COL4A4: variants seen among roughly 807,000 people sequenced by gnomAD.
The protein encoded by COL4A4 is collagen alpha-4(IV) chain.
In COL4A4, 105 loss-of-function variants were observed where a neutral mutation model predicts 192.9. That is an observed-to-expected ratio of 0.54 (90% CI 0.46 to 0.64). The LOEUF is 0.64. Among genes scored for constraint, COL4A4 ranks in the 30% least tolerant of loss-of-function variants. The probability of loss-of-function intolerance (pLI) is 0.00; values close to 1 mark genes in which losing one functional copy is unlikely to be tolerated. For synonymous variants in COL4A4, 762 were observed against 769.9 expected (o/e 0.99, Z 0.17); for missense variants, 1,967 against 2,169.3 (o/e 0.91, Z 1.85).
intron 44 of COL4A4, among the ~76,000 whole-genome samples, chr2:227,012,929 G>A (rs1964105775): frequency 1.3e-5 from 2 of 152,090 alleles, no homozygotes; most frequent in Admixed American, 1.3e-4. Context: ...GAAGAGACTG[G>A]GGCTCATAAA....
chr2:227,084,754 C>A (rs373448595), intron 22 of COL4A4, among the ~76,000 whole-genome samples: 1 of 152,254 alleles, frequency 6.6e-6, no homozygotes, highest in South Asian at 2.1e-4. Context: ...CAGCTTCAGA[C>A]AGAGAGCTAC....
chr2:227,007,082 A>G lies in COL4A4; in HGVS notation c.*243T>C, dbSNP rs1302594056. 12 of 610,034 alleles carry G rather than the reference A, an allele frequency of 2.0e-5. No individual in the cohort carries two copies. Among genetic ancestry groups the G allele is most frequent in the South Asian group, 1.5e-4 (8 of 53,688 alleles). The allele number at this position is 610,034 out of a possible 1,614,324, so 37.8% of individuals were successfully genotyped here. A position where few individuals can be genotyped will look rare whatever the true frequency, so the allele number is the denominator to read the frequency against. The stretch of plus-strand genomic sequence containing the variant: ...ATTTTTAAGTAAAGCCAGTTCTTCG[A>G]TCATCCTCAGTAAAATAAGAGTATC... On this transcript the variant is annotated 3_prime_UTR_variant, in exon 48 of 48. Transcript: ENST00000396625.
chr2:227,047,584 G>A, intron 34 of COL4A4, 35 bp from the exon 35 acceptor site: 1 of 1,484,032 alleles, frequency 6.7e-7, no homozygotes, highest in Non-Finnish European at 9.4e-7. Flanking sequence ...CATTACTTTA[G>A]ACAATTTAAT....
intron 21 of COL4A4, among the ~76,000 whole-genome samples, chr2:227,089,589 A>ATATATATG (rs1491568551): frequency 1.5e-5 from 1 of 67,182 alleles, no homozygotes; most frequent in African/African-American, 4.8e-5. Context: ...CAAATGTTCC[A>ATATATATG]TATATATATA....
rs7578239 is a variant in COL4A4, at chr2:227,109,477, G to A, written c.595-191C>T. On this transcript the variant is annotated intron_variant, in intron 9 of 47. Transcript: ENST00000396625. ...AAAGGGCACCAAGCAGTCCGGGCAC[G>A]GTGGTTCACACCTGTAATCCCAGCA... is the stretch of plus-strand genomic sequence containing the variant. 0.14 allele frequency: 99,446 copies of A among 699,066 alleles called. 11,763 individuals are homozygous for A. Among genetic ancestry groups the A allele is most frequent in the African/African-American group, 0.45 (25,822 of 57,080 alleles). The allele number at this position is 699,066 out of a possible 1,614,324, so 43.3% of individuals were successfully genotyped here.
chr2:227,126,246 G>T (rs976048695), intron 4 of COL4A4, among the ~76,000 whole-genome samples: 1 of 152,182 alleles, frequency 6.6e-6, no homozygotes, highest in African/African-American at 2.4e-5. Context: ...TTCGTATCAG[G>T]GACGTGAGTA....
At chr2:227,037,768 T>C (rs1969975388) in intron 37 of COL4A4, among the ~76,000 whole-genome samples, 1 of 130,920 alleles carries the variant, frequency 7.6e-6, no homozygotes, top group Non-Finnish European at 1.6e-5. Context: ...GACTTTTTAA[T>C]GATCTCCATT....
intron 3 of COL4A4, among the ~76,000 whole-genome samples, chr2:227,142,930 TCCTATACA>T (rs1453778069): frequency 4.6e-5 from 7 of 152,104 alleles, no homozygotes. Flanking sequence ...CCAAGTTCCC[TCCTATACA>T]GGATAATTTT....
At position 227,101,549 on chromosome 2, in the gene COL4A4, T is replaced by G; in HGVS notation, c.984A>C (p.Leu328=). The change falls in exon 17 of 48, where the codon CTA becomes CTC. Residue 328 remains leucine (L), a synonymous_variant. Coordinates refer to ENST00000396625, the MANE Select transcript of COL4A4 (RefSeq NM_000092.5). The part of the protein sequence containing the change: ...SPGFPGLKGE[L]GLVGDPGLFG... ...ATAGCCCAGGATCTCCAACCAGTCC[T>G]AGTTCTCCCTACAAACAAGCACAAA... 1 of 1,611,226 alleles carries G rather than the reference T, an allele frequency of 6.2e-7. No homozygotes were observed. Among genetic ancestry groups the G allele is most frequent in the Non-Finnish European group, 8.5e-7 (1 of 1,178,974 alleles).
intron 44 of COL4A4, among the ~76,000 whole-genome samples, chr2:227,013,903 A>G (rs775409693): frequency 6.6e-6 from 1 of 152,106 alleles, no homozygotes. Context: ...TTGCCTGATA[A>G]CCATTAAATG....
At chr2:226,992,769 C>T in the COL4A4 span, among the ~76,000 whole-genome samples, 1 of 152,142 alleles carries the variant, frequency 6.6e-6, no homozygotes. Flanking sequence ...AGAGGTGCAA[C>T]CCTGAACACT....
intron 22 of COL4A4, among the ~76,000 whole-genome samples, chr2:227,085,327 T>G (rs200418974): frequency 6.6e-6 from 1 of 152,110 alleles, no homozygotes; most frequent in East Asian, 1.9e-4. Flanking sequence ...CGCAATAACC[T>G]TGTGTTCATA....
chr2:227,080,669 A>C, intron 23 of COL4A4, 120 bp from the exon 24 acceptor site: 3 of 804,682 alleles, frequency 3.7e-6, no homozygotes, highest in Non-Finnish European at 6.3e-6. Flanking sequence ...TGTGTATCTC[A>C]ATTGCTCAAG....
At chr2:227,045,466 T>C (rs1309903944) in intron 35 of COL4A4, among the ~76,000 whole-genome samples, 1 of 117,336 alleles carries the variant, frequency 8.5e-6, no homozygotes, top group East Asian at 2.4e-4. Flanking sequence ...TACAGTTCAG[T>C]TAAAATATTA....
chr2:226,980,610 A>T, the COL4A4 span, among the ~76,000 whole-genome samples: 1 of 152,126 alleles, frequency 6.6e-6, no homozygotes, highest in Non-Finnish European at 1.5e-5. Flanking sequence ...TCCCATCCAC[A>T]CTTAATTAAA....
intron 4 of COL4A4, among the ~76,000 whole-genome samples, chr2:227,130,681 T>C (rs930664569): frequency 6.6e-6 from 1 of 152,216 alleles, no homozygotes; most frequent in African/African-American, 2.4e-5. Flanking sequence ...TGTCCCTCCC[T>C]AACCCAGACC....
chr2:227,065,419 G>C (rs1479844731), intron 25 of COL4A4, among the ~76,000 whole-genome samples: 1 of 152,220 alleles, frequency 6.6e-6, no homozygotes, highest in Non-Finnish European at 1.5e-5. Context: ...CTCCACCTCT[G>C]GGGGCAGGGC....
Position 227,005,392 on chromosome 2 carries a change from G to A in COL4A4, c.*1933C>T, listed in dbSNP as rs1961882649. The A allele has an allele frequency of 6.6e-6, 1 of 152,028 alleles. No homozygotes were observed. The highest frequency in any genetic ancestry group is 6.6e-5 in the Admixed American group (1 of 15,260). 9.4% of individuals were successfully genotyped at this position (152,028 alleles called of 1,614,324 possible). On this transcript the variant is annotated 3_prime_UTR_variant, in exon 48 of 48. Transcript: ENST00000396625. ...TGAACTTTTAGGAGGGTTGACTTTT[G>A]GTAATAGATAAAGCTTTTTGGGAAG...
At chr2:227,012,476 T>A (rs1331448793) in intron 44 of COL4A4, among the ~76,000 whole-genome samples, 179 bp from the exon 45 acceptor site, 1 of 152,156 alleles carries the variant, frequency 6.6e-6, no homozygotes, top group Admixed American at 6.5e-5. Context: ...TATCTCCACT[T>A]GCAGTTGGCG....
Sources: gnomAD v4.1 joint callset for allele counts (sites outside exome capture counted in the v4.1 genomes callset) on GRCh38, gnomAD v4.1.1 for gene constraint, MANE v1.5 for transcripts, NCBI Gene and HGNC (gene_info 2026-07-23, HGNC 2026-07-21) for gene names.